SLC4A10: variants seen among roughly 807,000 people sequenced by gnomAD.
The protein encoded by SLC4A10 is solute carrier family 4 member 10.
Under a neutral mutation model 137.7 loss-of-function variants are expected in SLC4A10, and 42 were observed. That is an observed-to-expected ratio of 0.30 (90% confidence interval 0.24 to 0.39). The LOEUF (loss-of-function observed/expected upper bound fraction) is 0.39, where lower values mean the gene tolerates loss of function less well. SLC4A10 is among the 10% of genes least tolerant of loss of function. The pLI is 1.00. For synonymous variants in SLC4A10, 474 were observed against 464.1 expected (o/e 1.02, Z -0.27); for missense variants, 925 against 1,355.0 (o/e 0.68, Z 4.98).
At chr2:161,745,028 G>A (rs908841702) in intron 1 of SLC4A10, among the ~76,000 whole-genome samples, 1 of 152,010 alleles carries the variant, frequency 6.6e-6, no homozygotes, top group African/African-American at 2.4e-5. Flanking sequence ...CAAGTCTTGT[G>A]TTGACAAAAA....
intron 3 of SLC4A10, among the ~76,000 whole-genome samples, chr2:161,829,086 C>T (rs1436040702): frequency 4.0e-5 from 6 of 151,664 alleles, no homozygotes; most frequent in African/African-American, 1.5e-4. Context: ...CTGGTGTGGC[C>T]TGACTTAATC....
intron 2 of SLC4A10, among the ~76,000 whole-genome samples, chr2:161,779,527 C>A (rs184208357): frequency 2.5e-3 from 381 of 152,028 alleles, no homozygotes; most frequent in African/African-American, 8.8e-3. Context: ...AAATTGTTTT[C>A]TAACTAGAAT....
rs1281798757 is a variant in SLC4A10 at position 161,948,119 on chromosome 2, C to G, written c.2265+392C>G. Among the ~76,000 whole-genome samples the G allele has an allele frequency of 3.9e-5, 6 of 152,090 alleles. No individual in the cohort carries two copies. The East Asian group carries it at 7.7e-4, about 20-fold the overall frequency. On this transcript the variant is annotated intron_variant, in intron 17 of 26. Transcript: ENST00000446997. ...GCAAGACTCATTGGAACAATATTCT[C>G]TTTTTCAATGTTTAAACCGTCAGTC...
chr2:161,893,987 G>T (rs184184888), intron 10 of SLC4A10, among the ~76,000 whole-genome samples: 2 of 151,970 alleles, frequency 1.3e-5, no homozygotes, highest in South Asian at 4.1e-4. Context: ...AAGTTGAGGA[G>T]CCTACTCAAT....
At chr2:161,854,937 T>C (rs369026238) in intron 4 of SLC4A10, 33 bp from the exon 5 acceptor site, 19 of 1,586,142 alleles carry the variant, frequency 1.2e-5, no homozygotes, top group Non-Finnish European at 1.6e-5. Context: ...TACAATATAA[T>C]ATAAACTGTG....
intron 1 of SLC4A10, among the ~76,000 whole-genome samples, chr2:161,631,814 C>T (rs968641652): frequency 6.6e-6 from 1 of 151,600 alleles, no homozygotes; most frequent in Non-Finnish European, 1.5e-5. Context: ...GCTCAGAACT[C>T]GAGAGGTGCT....
In SLC4A10 at chr2:161,721,784, C is replaced by T. The variant is rs150027617; in HGVS notation, c.49-49189C>T. ...GGATGATATCCTGAAGTATGTTTTC[C>T]AATTTGGTTCCATTCTTTCCATCTC... On this transcript the variant is annotated intron_variant, in intron 1 of 26. Transcript: ENST00000446997. Among the ~76,000 whole-genome samples, 1,001 of 152,288 alleles carry T rather than the reference C, an allele frequency of 6.6e-3. 4 individuals are homozygous for T. The highest frequency in any genetic ancestry group is 0.017 in the Middle Eastern group (5 of 294).
intron 1 of SLC4A10, among the ~76,000 whole-genome samples, chr2:161,670,715 G>T (rs911563639): frequency 7.2e-5 from 11 of 151,754 alleles, no homozygotes; most frequent in African/African-American, 2.7e-4. Context: ...TATTAGTTTT[G>T]CAAAAAATTA....
At position 161,955,948 on chromosome 2, in the gene SLC4A10, C is replaced by G. The variant is rs564768535; in HGVS notation, c.2542-1041C>G. Among the ~76,000 whole-genome samples, 30 of 151,964 alleles carry G rather than the reference C, an allele frequency of 2.0e-4. No homozygotes were observed. In the East Asian group the frequency reaches 4.6e-3, roughly 23 times the overall value. On this transcript the variant is annotated intron_variant, in intron 19 of 26. Transcript: ENST00000446997. ...ATGCGTATTTTATTTTCAAAAAAGT[C>G]AATTTGTAACTTTTATTGATTGCTT...
chr2:161,770,113 T>C (rs1283950472), intron 1 of SLC4A10, among the ~76,000 whole-genome samples: 1 of 151,978 alleles, frequency 6.6e-6, no homozygotes, highest in Non-Finnish European at 1.5e-5. Context: ...AGTATATCTT[T>C]TTATTTCACC....
At chr2:161,815,456 C>T (rs2056965903) in intron 3 of SLC4A10, among the ~76,000 whole-genome samples, 1 of 152,170 alleles carries the variant, frequency 6.6e-6, no homozygotes, top group Non-Finnish European at 1.5e-5. Context: ...CCTCTCCAGG[C>T]ATATGGAGCT....
At chr2:161,758,111 A>G (rs2049864736) in intron 1 of SLC4A10, among the ~76,000 whole-genome samples, 1 of 151,804 alleles carries the variant, frequency 6.6e-6, no homozygotes, top group East Asian at 1.9e-4. Flanking sequence ...TGTATAATTA[A>G]GAAAGTTATT....
In SLC4A10 at chr2:161,983,293, A is replaced by G. The variant is rs369601774; in HGVS notation, c.*141A>G. Reference sequence around the variant, plus strand: ...ACATATATATGAGAAGAGTGTCACAATTATTAATAAAACTGCTTTGATCAT... The same window carrying G: ...ACATATATATGAGAAGAGTGTCACAGTTATTAATAAAACTGCTTTGATCAT... On this transcript the variant is annotated 3_prime_UTR_variant, in exon 27 of 27. Coordinates refer to ENST00000446997, the MANE Select transcript of SLC4A10 (RefSeq NM_001178015.2). The G allele has an allele frequency of 5.8e-5, 87 of 1,487,556 alleles. 1 individual carries two copies. The South Asian group carries it at 6.6e-4, about 11-fold the overall frequency. 92.1% of individuals were successfully genotyped at this position (1,487,556 alleles called of 1,614,324 possible). A position where few individuals can be genotyped will look rare whatever the true frequency, so the allele number is the denominator to read the frequency against.
At chr2:161,720,368 G>A (rs1179593780) in intron 1 of SLC4A10, among the ~76,000 whole-genome samples, 2 of 152,032 alleles carry the variant, frequency 1.3e-5, no homozygotes, top group Non-Finnish European at 2.9e-5. Context: ...GGATTGACTT[G>A]GTGATGTGGG....
At chr2:161,631,127 A>G (rs1056137504) in intron 1 of SLC4A10, among the ~76,000 whole-genome samples, 2 of 151,708 alleles carry the variant, frequency 1.3e-5, no homozygotes, top group Admixed American at 6.6e-5. Flanking sequence ...AGGGGTTGCC[A>G]GGACCTGGGA....
intron 8 of SLC4A10, among the ~76,000 whole-genome samples, chr2:161,876,796 A>G (rs1387545913): frequency 2.0e-5 from 3 of 152,058 alleles, no homozygotes; most frequent in Admixed American, 6.6e-5. Flanking sequence ...TATAATATGT[A>G]ACTATACATA....
At chr2:161,804,964 G>T (rs2055778058) in intron 3 of SLC4A10, among the ~76,000 whole-genome samples, 1 of 152,080 alleles carries the variant, frequency 6.6e-6, no homozygotes, top group Non-Finnish European at 1.5e-5. Flanking sequence ...TCAGTCTTAG[G>T]ATGTTGTATT....
intron 15 of SLC4A10, among the ~76,000 whole-genome samples, chr2:161,929,138 C>CA (rs1269938660): frequency 6.0e-5 from 9 of 149,458 alleles, no homozygotes; most frequent in Admixed American, 2.0e-4. Context: ...TGTTAGCAAC[C>CA]AAAAAAAAAG....
At chr2:161,943,626 T>C (rs963720178) in intron 16 of SLC4A10, among the ~76,000 whole-genome samples, 2 of 152,044 alleles carry the variant, frequency 1.3e-5, no homozygotes, top group African/African-American at 4.8e-5. Context: ...AATTTGAAAA[T>C]GTGTTCTACT....
Sources: gnomAD v4.1 joint callset for allele counts (sites outside exome capture counted in the v4.1 genomes callset) on GRCh38, gnomAD v4.1.1 for gene constraint, MANE v1.5 for transcripts, NCBI Gene and HGNC (gene_info 2026-07-23, HGNC 2026-07-21) for gene names.